STAU1: variants seen among roughly 807,000 people sequenced by gnomAD.
STAU1 encodes the protein double-stranded RNA-binding protein Staufen homolog 1.
In STAU1, 13 loss-of-function variants were observed where a neutral mutation model predicts 62.9. The ratio of observed to expected loss-of-function variants is 0.21; its 90% CI spans 0.13 to 0.33. STAU1 has a LOEUF of 0.33. Among genes scored for constraint, STAU1 ranks in the 10% least tolerant of loss-of-function variants. The pLI, the probability that STAU1 is intolerant of heterozygous loss-of-function variation, is 1.00. For synonymous variants in STAU1, 269 were observed against 265.1 expected (o/e 1.01, Z -0.14); for missense variants, 571 against 712.1 (o/e 0.80, Z 2.25).
chr20:49,199,013 G>C, the STAU1 span, among the ~76,000 whole-genome samples: 1 of 151,042 alleles, frequency 6.6e-6, no homozygotes, highest in Non-Finnish European at 1.5e-5. Context: ...GGGCGTGGTG[G>C]TGGGCACCTG....
chr20:49,203,657 T>C, the STAU1 span, among the ~76,000 whole-genome samples: 1 of 152,222 alleles, frequency 6.6e-6, no homozygotes, highest in Non-Finnish European at 1.5e-5. Context: ...GCAATAATTA[T>C]TCACAAATAA....
At chr20:49,173,315 G>A (rs976811444) in intron 2 of STAU1, among the ~76,000 whole-genome samples, 2 of 152,148 alleles carry the variant, frequency 1.3e-5, no homozygotes, top group African/African-American at 4.8e-5. Flanking sequence ...AAATTAGCCA[G>A]GTGTGGTGGC....
intron 6 of STAU1, among the ~76,000 whole-genome samples, chr20:49,127,296 G>C (rs1470994920): frequency 3.3e-5 from 5 of 152,210 alleles, no homozygotes; most frequent in Admixed American, 3.3e-4. Flanking sequence ...GGAGGTTGCA[G>C]TGAGCTGAGA....
chr20:49,154,170 T>G (rs1308472063), intron 3 of STAU1, 99 bp from the exon 4 acceptor site: 1 of 1,296,208 alleles, frequency 7.7e-7, no homozygotes, highest in African/African-American at 1.5e-5. Flanking sequence ...ATTGGATTCA[T>G]GATACTTTAC....
At chr20:49,166,527 T>C (rs762383712) in intron 2 of STAU1, among the ~76,000 whole-genome samples, 4 of 152,214 alleles carry the variant, frequency 2.6e-5, no homozygotes, top group Admixed American at 6.5e-5. Flanking sequence ...ATATTCATTA[T>C]ACAAAGAGAA....
At chr20:49,153,710 C>CAAAAAAAAAAAAAAAAAAAAAAA (rs145558067) in intron 4 of STAU1, among the ~76,000 whole-genome samples, 40 of 67,590 alleles carry the variant, frequency 5.9e-4, no homozygotes, top group Admixed American at 1.1e-3. Flanking sequence ...GACTCTGTCT[C>CAAAAAAAAAAAAAAAAAAAAAAA]AAAAAAAAAA....
At position 49,187,787 on chromosome 20, in the gene STAU1, C is replaced by G. The variant is rs796509846; in HGVS notation, c.-160+329G>C. On this transcript the variant is annotated intron_variant, in intron 1 of 13. Transcript: ENST00000371856. ...CTGAAGCAGGGACCCCCCCCCCCCC[C>G]CGCCTGCGCCCCAGCCCCGGGAATA... Among the ~76,000 whole-genome samples, 683 of 150,950 alleles carry G rather than the reference C, an allele frequency of 4.5e-3. 7 individuals are homozygous for G. Among genetic ancestry groups the G allele is most frequent in the African/African-American group, 0.015 (625 of 41,352 alleles).
chr20:49,120,760 G>C (rs978310528), intron 8 of STAU1, among the ~76,000 whole-genome samples: 3 of 152,152 alleles, frequency 2.0e-5, no homozygotes, highest in African/African-American at 7.2e-5. Context: ...ATTTACAAAT[G>C]AGTGATGTTA....
At chr20:49,135,750 G>C (rs766563282) in intron 6 of STAU1, 83 bp downstream of exon 6, 7 of 983,700 alleles carry the variant, frequency 7.1e-6, no homozygotes, top group Non-Finnish European at 1.1e-5. Flanking sequence ...TTATTCCAAT[G>C]ATATTTAGGG....
intron 6 of STAU1, among the ~76,000 whole-genome samples, chr20:49,128,692 C>T (rs541158645): frequency 4.1e-5 from 6 of 146,036 alleles, no homozygotes; most frequent in Middle Eastern, 3.5e-3. Context: ...CCAGCCTGGG[C>T]GACAAGAGCA....
intron 4 of STAU1, among the ~76,000 whole-genome samples, chr20:49,152,825 G>A (rs1231974476): frequency 6.6e-6 from 1 of 152,062 alleles, no homozygotes; most frequent in Non-Finnish European, 1.5e-5. Context: ...TGATGCTATG[G>A]GAATCATGTT....
intron 2 of STAU1, among the ~76,000 whole-genome samples, chr20:49,170,113 G>A (rs1477891167): frequency 6.6e-6 from 1 of 152,096 alleles, no homozygotes; most frequent in Non-Finnish European, 1.5e-5. Context: ...ACTAAAAAGT[G>A]GTCACAAAAT....
At chr20:49,141,854 CGT>C (rs1283174462) in intron 5 of STAU1, among the ~76,000 whole-genome samples, 1 of 152,142 alleles carries the variant, frequency 6.6e-6, no homozygotes, top group African/African-American at 2.4e-5. Context: ...CTTTCCCAGC[CGT>C]GTTTTTAAAT....
At chr20:49,162,120 A>G (rs887871706) in intron 3 of STAU1, among the ~76,000 whole-genome samples, 1 of 152,216 alleles carries the variant, frequency 6.6e-6, no homozygotes. Flanking sequence ...TCTTCCATAC[A>G]GTGAAACTCT....
intron 13 of STAU1, among the ~76,000 whole-genome samples, chr20:49,115,248 T>C (rs1444750397): frequency 6.6e-6 from 1 of 152,128 alleles, no homozygotes; most frequent in Non-Finnish European, 1.5e-5. Flanking sequence ...AGATTGTACC[T>C]TGTAAAATAA....
At chr20:49,203,219 G>A in the STAU1 span, among the ~76,000 whole-genome samples, 1 of 152,100 alleles carries the variant, frequency 6.6e-6, no homozygotes, top group Non-Finnish European at 1.5e-5. Context: ...GACGTCAGCA[G>A]TTTGAGACCA....
Position 49,166,001 on chromosome 20 carries a change from A to T in STAU1, c.201T>A (p.Ala67=). 6.2e-7 allele frequency: 1 copy of T among 1,614,092 alleles called. No individual in the cohort carries two copies. The highest frequency in any genetic ancestry group is 2.2e-5 in the East Asian group (1 of 44,888). ...PSASITSTSA[A]AESITPTVEL... ...CACTTGGATTCATATGCTTACCTGC[A>T]GCTGCACTGGTGGATGTAATAGATG... Residue 67 remains alanine (A), a synonymous_variant, in exon 3 of 14, where the codon GCT becomes GCA. Coordinates refer to ENST00000371856, the MANE Select transcript of STAU1 (RefSeq NM_017453.4).
the STAU1 span, among the ~76,000 whole-genome samples, chr20:49,214,529 A>AC: frequency 1.3e-4 from 19 of 149,492 alleles, no homozygotes; most frequent in South Asian, 1.5e-3. Flanking sequence ...AAAAAAAAAA[A>AC]AAAACAATAA....
chr20:49,191,509 G>GA (rs397816814), upstream of STAU1, among the ~76,000 whole-genome samples: 1 of 12,616 alleles, frequency 7.9e-5, no homozygotes, highest in Non-Finnish European at 1.7e-4. Flanking sequence ...GGACACAATA[G>GA]TACATGATAA....
Sources: allele counts gnomAD v4.1 joint callset (sites outside exome capture counted in the v4.1 genomes callset), GRCh38; gene constraint gnomAD v4.1.1; transcripts MANE v1.5; gene names NCBI Gene and HGNC (gene_info 2026-07-23, HGNC 2026-07-21).